Variants in LRP4 observed in about 807,000 individuals in gnomAD.
The protein encoded by LRP4 is low-density lipoprotein receptor-related protein 4.
In LRP4, 95 loss-of-function variants were observed where a neutral mutation model predicts 220.3. The observed-to-expected ratio is 0.43, with a 90% CI of 0.37 to 0.51. The LOEUF is 0.51. Ranked by LOEUF, LRP4 falls within the 20% of genes least tolerant of loss-of-function variation. The pLI, the probability that LRP4 is intolerant of heterozygous loss-of-function variation, is 0.00. For synonymous variants in LRP4, 903 were observed against 954.6 expected (o/e 0.95, Z 1.00); for missense variants, 1,925 against 2,567.0 (o/e 0.75, Z 5.40).
Position 46,875,933 on chromosome 11 carries a change from G to C in LRP4, c.3570C>G (p.Ala1190=). The change falls in exon 26 of 38, where the codon GCC becomes GCG. Residue 1190 remains alanine (A), a synonymous_variant. Transcript: ENST00000378623. The surrounding 1 kb of genome is among the most constrained non-coding windows in gnomAD (Gnocchi z 4.5). ...CATCCATTCCGGACCGCTCTAACTTGGCATTCTCCCCCCAGTCTGTCCAGT... is the reference window on the plus strand; with the variant it reads ...CATCCATTCCGGACCGCTCTAACTTCGCATTCTCCCCCCAGTCTGTCCAGT... The part of the protein sequence containing the change: ...FMYWTDWGEN[A]KLERSGMDGS... The C allele has an allele frequency of 1.2e-6, 2 of 1,614,090 alleles. No homozygotes were observed. The highest frequency in any genetic ancestry group is 8.5e-7 in the Non-Finnish European group (1 of 1,180,014).
Position 46,859,197 on chromosome 11 carries a change from C to G in LRP4, c.5504G>C (p.Gly1835Ala), listed in dbSNP as rs1324867173. The G allele has an allele frequency of 6.2e-7, 1 of 1,613,712 alleles. No individual in the cohort carries two copies. The highest frequency in any genetic ancestry group is 1.3e-5 in the African/African-American group (1 of 74,852). ...CATGCATACATGATCCCGGAGGAGG[C>G]CCCCCCGTGAGCTTCGCAGTTGCTT... ...DLKQLRSSRG[G>A]LLRDHVCMKT... Residue 1835 changes from glycine to alanine, a missense_variant, in exon 38 of 38, where the codon GGC becomes GCC. Physicochemically the swap from Gly to Ala is moderately conservative, Grantham distance 60. This residue lies in a region of LRP4 where 1,244 missense variants were observed against 1,624.9 expected (regional missense o/e 0.77). Coordinates refer to ENST00000378623, the MANE Select transcript of LRP4 (RefSeq NM_002334.4).
chr11:46,893,052 G>T lies in LRP4; in HGVS notation c.1618C>A (p.Leu540Met). 1 of 1,614,106 alleles carries T rather than the reference G, an allele frequency of 6.2e-7. No homozygotes were observed. Reference protein sequence around the residue: ...SGTSRIEVANLDGAHRKVLLW... With the variant: ...SGTSRIEVANMDGAHRKVLLW... ...AACACTTTCCGGTGGGCCCCATCCAGATTGGCCACCTCAATCCTCGAGGTG... is the reference window on the plus strand; with the variant it reads ...AACACTTTCCGGTGGGCCCCATCCATATTGGCCACCTCAATCCTCGAGGTG... Residue 540 changes from leucine (L) to methionine (M), a missense_variant, in exon 13 of 38, where the codon CTG becomes ATG. Physicochemically the swap from Leu to Met is conservative, Grantham distance 15 (BLOSUM62 2). Transcript: ENST00000378623.
chr11:46,889,812 C>A, intron 15 of LRP4, 132 bp downstream of exon 15: 4 of 1,042,288 alleles, frequency 3.8e-6, no homozygotes, highest in Middle Eastern at 2.7e-4. Context: ...AGGAATTAGC[C>A]CATGTCAGTG....
At chr11:46,903,522 CA>C (rs904959244) in intron 1 of LRP4, among the ~76,000 whole-genome samples, 11 of 150,098 alleles carry the variant, frequency 7.3e-5, no homozygotes, top group East Asian at 5.9e-4. Context: ...CAACCCCCTC[CA>C]AAAAAAAATG....
At chr11:46,877,910 G>A (rs1385398466) in intron 22 of LRP4, among the ~76,000 whole-genome samples, 5 of 152,130 alleles carry the variant, frequency 3.3e-5, no homozygotes, top group African/African-American at 1.2e-4. Flanking sequence ...TTAATATTAT[G>A]AAAGTGGCTC....
At chr11:46,907,430 G>A (rs940598522) in intron 1 of LRP4, among the ~76,000 whole-genome samples, 5 of 152,104 alleles carry the variant, frequency 3.3e-5, no homozygotes, top group African/African-American at 7.2e-5. Context: ...ACTTTCTCAC[G>A]GCTTTCATAT....
chr11:46,871,151 G>A (rs918797327), intron 31 of LRP4, among the ~76,000 whole-genome samples: 4 of 152,276 alleles, frequency 2.6e-5, no homozygotes, highest in Admixed American at 6.5e-5. Context: ...TGCTGGGACC[G>A]CAGCATTAGG....
rs912129545 is a variant in LRP4, at chr11:46,899,131, GCTT to G, written c.548-102_548-100del. 38 of 1,192,882 alleles carry G rather than the reference GCTT, an allele frequency of 3.2e-5. No homozygotes were observed. Among genetic ancestry groups the G allele is most frequent in the Non-Finnish European group, 4.5e-5 (37 of 829,966 alleles). The allele number at this position is 1,192,882 out of a possible 1,614,324, so 73.9% of individuals were successfully genotyped here. ...GCAGGCAGGATGCTCAGGCAGGAGA[GCTT>G]CTTCAAGTGAGATGTAACCAGGTTT... On this transcript the variant is annotated intron_variant, in intron 5 of 37. Transcript: ENST00000378623. The surrounding 1 kb of genome is among the most constrained non-coding windows in gnomAD (Gnocchi z 5.9).
intron 37 of LRP4, 101 bp from the exon 38 acceptor site, chr11:46,859,416 A>T: frequency 1.2e-6 from 1 of 864,486 alleles, no homozygotes; most frequent in Non-Finnish European, 2.0e-6. Context: ...AGTAGGAGTG[A>T]AGCGCACAAA....
Position 46,858,868 on chromosome 11 carries a change from T to C in LRP4, c.*115A>G, listed in dbSNP as rs1940452651. On this transcript the variant is annotated 3_prime_UTR_variant, in exon 38 of 38. Transcript: ENST00000378623. Reference sequence around the variant, plus strand: ...TGAAGGCTTAGGAACAGTTATGGGGTGGGAGGAGGAGGAGGACAAGCACAC... The same window carrying C: ...TGAAGGCTTAGGAACAGTTATGGGGCGGGAGGAGGAGGAGGACAAGCACAC... 1 of 957,784 alleles carries C rather than the reference T, an allele frequency of 1.0e-6. No homozygotes were observed. The highest frequency in any genetic ancestry group is 3.1e-4 in the Middle Eastern group (1 of 3,258). The allele number at this position is 957,784 out of a possible 1,614,324, so 59.3% of individuals were successfully genotyped here.
intron 1 of LRP4, among the ~76,000 whole-genome samples, chr11:46,906,837 G>C (rs1356813681): frequency 1.3e-5 from 2 of 152,142 alleles, no homozygotes; most frequent in African/African-American, 4.8e-5. Flanking sequence ...GTTAGTTGCA[G>C]GCAGTTGAAG....
In LRP4 at chr11:46,896,280, C is replaced by A; in HGVS notation, c.978G>T (p.Gly326=). Residue 326 remains glycine (G), a synonymous_variant, in exon 9 of 38, where the codon GGG becomes GGT. Transcript: ENST00000378623. ...QFLCWNGRCI[G]QRKLCNGVND... ...TGACCCCGTTGCACAGCTTCCTCTG[C>A]CCAATGCAGCGCCCATTCCAACACA... 6.2e-7 allele frequency: 1 copy of A among 1,614,190 alleles called. No homozygotes were observed. The highest frequency in any genetic ancestry group is 8.5e-7 in the Non-Finnish European group (1 of 1,180,046).
chr11:46,911,881 C>T (rs1435368893), intron 1 of LRP4, among the ~76,000 whole-genome samples: 1 of 135,204 alleles, frequency 7.4e-6, no homozygotes, highest in African/African-American at 2.7e-5. Flanking sequence ...CTCGCTCTGT[C>T]GCTCAGCCTG....
In LRP4 at chr11:46,899,842, TC is replaced by T; in HGVS notation, c.430+20del. On this transcript the variant is annotated intron_variant, in intron 4 of 37. Coordinates refer to ENST00000378623, the MANE Select transcript of LRP4 (RefSeq NM_002334.4). The surrounding 1 kb of genome is among the most constrained non-coding windows in gnomAD (Gnocchi z 5.9). ...CACCCACTGGCCACCTTGCCTGCCT[TC>T]CCCCGTTGGGGTCACCCACCACACT... The T allele has an allele frequency of 1.2e-6, 2 of 1,608,022 alleles. No homozygotes were observed. The highest frequency in any genetic ancestry group is 8.5e-7 in the Non-Finnish European group (1 of 1,175,222).
chr11:46,875,648 G>A lies in LRP4; in HGVS notation c.3733C>T (p.Arg1245Trp), dbSNP rs1638594816. 5 of 1,614,052 alleles carry A rather than the reference G, an allele frequency of 3.1e-6. No homozygotes were observed. Among genetic ancestry groups the A allele is most frequent in the African/African-American group, 2.7e-5 (2 of 74,932 alleles). Residue 1245 changes from arginine to tryptophan, a missense_variant, in exon 27 of 38, where the codon CGG becomes TGG. Transcript: ENST00000378623. The surrounding 1 kb of genome is among the most constrained non-coding windows in gnomAD (Gnocchi z 4.5). ...IEAADLNGAN[R>W]HTLVSPVQHP... The stretch of plus-strand genomic sequence containing the variant: ...TGCACCGGTGACACCAATGTATGCC[G>A]ATTGGCACCATTCAGGTCAGCAGCC...
chr11:46,879,416 C>T (rs1941098036), intron 20 of LRP4, 101 bp from the exon 21 acceptor site: 5 of 1,187,824 alleles, frequency 4.2e-6, no homozygotes, highest in Non-Finnish European at 6.1e-6. Flanking sequence ...CTCCCACTAA[C>T]ACCTACTGGG....
chr11:46,896,351 G>T lies in LRP4; in HGVS notation c.923-16C>A, dbSNP rs756847264. 1.1e-5 allele frequency: 17 copies of T among 1,612,616 alleles called. No individual in the cohort carries two copies. The highest frequency in any genetic ancestry group is 6.7e-5 in the Admixed American group (4 of 59,998). ...TGGGGGCTTCCTAGAGAGATGGAGG[G>T]TCAGGTCATAGCAAGGCAGGGCTTG... is the stretch of plus-strand genomic sequence containing the variant. On this transcript the variant is annotated splice_polypyrimidine_tract_variant and intron_variant, in intron 8 of 37. Coordinates refer to ENST00000378623, the MANE Select transcript of LRP4 (RefSeq NM_002334.4).
At chr11:46,865,443 G>A (rs1940669239) in intron 34 of LRP4, among the ~76,000 whole-genome samples, 1 of 152,208 alleles carries the variant, frequency 6.6e-6, no homozygotes, top group Non-Finnish European at 1.5e-5. Flanking sequence ...GCAGGTTTGG[G>A]AGTGAGTTGG....
rs369973155 is a variant in LRP4, at chr11:46,895,881, C to T, written c.1183+3G>A. On this transcript the variant is annotated splice_donor_region_variant and intron_variant, in intron 10 of 37. Transcript: ENST00000378623. ...CTCTGCTGCAAACCAGGCCCCAGCT[C>T]ACCTTGGCACGTGTGCCCATCCTCT... 1.1e-5 allele frequency: 17 copies of T among 1,612,260 alleles called. No homozygotes were observed. The African/African-American group carries it at 1.9e-4, about 18-fold the overall frequency.
Sources: gnomAD v4.1 joint callset for allele counts (sites outside exome capture counted in the v4.1 genomes callset) on GRCh38, gnomAD v4.1.1 for gene constraint, gnomAD v4.1.1 regional missense constraint, Gnocchi (gnomAD v3.1) non-coding constraint, MANE v1.5 for transcripts, NCBI Gene and HGNC (gene_info 2026-07-23, HGNC 2026-07-21) for gene names.